Variants in HCN1 observed in about 807,000 individuals in gnomAD.
HCN1 encodes the protein potassium/sodium hyperpolarization-activated cyclic nucleotide-gated channel 1.
HCN1 carries 13 observed loss-of-function variants against 78.9 expected under a neutral mutation model. That is an observed-to-expected ratio of 0.16 (90% CI 0.11 to 0.26). The LOEUF (loss-of-function observed/expected upper bound fraction) is 0.26, where lower values mean the gene tolerates loss of function less well. HCN1 is among the 10% of genes least tolerant of loss of function. The pLI, the probability that HCN1 is intolerant of heterozygous loss-of-function variation, is 1.00. For synonymous variants in HCN1, 552 were observed against 455.5 expected (o/e 1.21, Z -2.70); for missense variants, 810 against 1,154.3 (o/e 0.70, Z 4.32).
At chr5:45,351,910 C>T (rs1319967675) in intron 5 of HCN1, among the ~76,000 whole-genome samples, 1 of 152,084 alleles carries the variant, frequency 6.6e-6, no homozygotes, top group Non-Finnish European at 1.5e-5. Flanking sequence ...GAAATAGGAA[C>T]ACTTTTACAC....
chr5:45,494,513 T>A (rs1406469685), intron 2 of HCN1, among the ~76,000 whole-genome samples: 1 of 151,860 alleles, frequency 6.6e-6, no homozygotes, highest in African/African-American at 2.4e-5. Context: ...CTTTGACAGA[T>A]GAGTAGGTTG....
intron 3 of HCN1, among the ~76,000 whole-genome samples, chr5:45,460,682 A>C (rs1359167985): frequency 6.6e-6 from 1 of 152,078 alleles, no homozygotes; most frequent in Non-Finnish European, 1.5e-5. Context: ...GTCAAATATC[A>C]ATGAAAGCAT....
intron 4 of HCN1, among the ~76,000 whole-genome samples, chr5:45,386,545 CT>C (rs772949576): frequency 1.7e-4 from 26 of 152,184 alleles, no homozygotes; most frequent in Non-Finnish European, 2.6e-4. Context: ...TCTACTTATA[CT>C]GTGTTGCTTT....
intron 2 of HCN1, among the ~76,000 whole-genome samples, chr5:45,610,869 T>C (rs557273259): frequency 2.0e-5 from 3 of 152,108 alleles, no homozygotes; most frequent in African/African-American, 7.2e-5. Flanking sequence ...GAAAATTCCT[T>C]AAGACTCTTT....
chr5:45,671,583 A>T (rs1746152306), intron 1 of HCN1, among the ~76,000 whole-genome samples: 1 of 151,410 alleles, frequency 6.6e-6, no homozygotes, highest in African/African-American at 2.4e-5. Context: ...AATTTTGATA[A>T]GTGAGGACTT....
chr5:45,672,713 A>T (rs572751490), intron 1 of HCN1, among the ~76,000 whole-genome samples: 58 of 151,228 alleles, frequency 3.8e-4, no homozygotes, highest in African/African-American at 1.3e-3. Flanking sequence ...AAAAGATCCA[A>T]TTTTTTTTAA....
intron 2 of HCN1, among the ~76,000 whole-genome samples, chr5:45,497,687 A>C (rs1277396971): frequency 6.6e-6 from 1 of 152,082 alleles, no homozygotes; most frequent in Non-Finnish European, 1.5e-5. Context: ...TAATTGGAGC[A>C]TTTAGTACAT....
intron 5 of HCN1, among the ~76,000 whole-genome samples, chr5:45,320,946 T>C (rs184159308): frequency 7.5e-4 from 114 of 151,944 alleles, no homozygotes; most frequent in Middle Eastern, 3.4e-3. Flanking sequence ...CTTAAAGCAA[T>C]AGAATTTGAG....
intron 2 of HCN1, among the ~76,000 whole-genome samples, chr5:45,508,544 GA>G (rs775703034): frequency 1.3e-5 from 2 of 151,794 alleles, no homozygotes; most frequent in East Asian, 1.9e-4. Flanking sequence ...TCTTTTCTGG[GA>G]AAAAAATAGG....
intron 4 of HCN1, among the ~76,000 whole-genome samples, chr5:45,375,486 G>T (rs1481193589): frequency 6.4e-5 from 5 of 77,948 alleles, no homozygotes; most frequent in Admixed American, 2.0e-4. Context: ...CATATTTTAT[G>T]ATACATATTA....
rs144654939 is a variant in HCN1, at chr5:45,510,837, T to C, written c.850-48830A>G. Among the ~76,000 whole-genome samples, 157 of 152,190 alleles carry C rather than the reference T, an allele frequency of 1.0e-3. 2 individuals are homozygous for C. Among genetic ancestry groups the C allele is most frequent in the Middle Eastern group, 6.8e-3 (2 of 294 alleles). Reference sequence around the variant, plus strand: ...GATATCTGTTATATCCCATCCTCAATAGCTGTCACATCTGACTCTAGGGAC... The same window carrying C: ...GATATCTGTTATATCCCATCCTCAACAGCTGTCACATCTGACTCTAGGGAC... On this transcript the variant is annotated intron_variant, in intron 2 of 7. Transcript: ENST00000303230.
intron 1 of HCN1, among the ~76,000 whole-genome samples, chr5:45,652,263 C>G (rs1026095919): frequency 6.6e-6 from 1 of 151,866 alleles, no homozygotes; most frequent in Admixed American, 6.6e-5. Flanking sequence ...GCTTCACATA[C>G]TCTTGTTTGT....
At chr5:45,404,036 T>G (rs1739873297) in intron 3 of HCN1, among the ~76,000 whole-genome samples, 1 of 152,182 alleles carries the variant, frequency 6.6e-6, no homozygotes, top group African/African-American at 2.4e-5. Context: ...TAGGTTTTTT[T>G]GCCCCACTTC....
At chr5:45,678,223 C>A (rs1396009622) in intron 1 of HCN1, among the ~76,000 whole-genome samples, 2 of 151,764 alleles carry the variant, frequency 1.3e-5, no homozygotes, top group African/African-American at 4.8e-5. Context: ...GCTATCAGAC[C>A]ACAAGAAACC....
chr5:45,343,691 A>G (rs1419902415), intron 5 of HCN1, among the ~76,000 whole-genome samples: 5 of 152,136 alleles, frequency 3.3e-5, no homozygotes, highest in Non-Finnish European at 7.3e-5. Context: ...TGCAGGGGAT[A>G]TCATTTAGCT....
Position 45,342,237 on chromosome 5 carries a change from C to A in HCN1, c.1377+10863G>T, listed in dbSNP as rs147203113. On this transcript the variant is annotated intron_variant, in intron 5 of 7. Coordinates refer to ENST00000303230, the MANE Select transcript of HCN1 (RefSeq NM_021072.4). ...TTGAAATCTTTTCATATATTTCTTT[C>A]CTTTTTTTTTTTTTGAGATGGAGTT... 1.3e-4 allele frequency among the ~76,000 whole-genome samples: 19 copies of A among 150,662 alleles called. No homozygotes were observed. In the East Asian group the frequency reaches 3.5e-3, roughly 28 times the overall value.
At chr5:45,587,491 T>C (rs1045798380) in intron 2 of HCN1, among the ~76,000 whole-genome samples, 1 of 148,710 alleles carries the variant, frequency 6.7e-6, no homozygotes, top group African/African-American at 2.5e-5. Context: ...CAGGTGGGAA[T>C]TGAACAATGA....
At chr5:45,670,151 A>G (rs907848387) in intron 1 of HCN1, among the ~76,000 whole-genome samples, 6 of 151,726 alleles carry the variant, frequency 4.0e-5, no homozygotes, top group African/African-American at 1.4e-4. Flanking sequence ...TTTGCTTTCA[A>G]TCATAGATGT....
At chr5:45,290,363 A>T (rs1268853574) in intron 6 of HCN1, among the ~76,000 whole-genome samples, 1 of 152,048 alleles carries the variant, frequency 6.6e-6, no homozygotes, top group East Asian at 1.9e-4. Flanking sequence ...ATTACCTTCC[A>T]GAGGCCCCAC....
Sources: gnomAD v4.1 joint callset for allele counts (sites outside exome capture counted in the v4.1 genomes callset) on GRCh38, gnomAD v4.1.1 for gene constraint, MANE v1.5 for transcripts, NCBI Gene and HGNC (gene_info 2026-07-23, HGNC 2026-07-21) for gene names.